CBFA2T3: variants seen among roughly 807,000 people sequenced by gnomAD.
CBFA2T3 encodes CBFA2/RUNX1 partner transcriptional co-repressor 3.
A neutral mutation model predicts 58.6 loss-of-function variants in CBFA2T3; 31 were observed. That is an observed-to-expected ratio of 0.53 (90% CI 0.40 to 0.71). The LOEUF (loss-of-function observed/expected upper bound fraction) is 0.71. Ranked by LOEUF, CBFA2T3 falls within the 30% of genes least tolerant of loss-of-function variation. CBFA2T3 has a pLI of 0.00. For missense variants in CBFA2T3, 1,076 were observed against 963.1 expected (o/e 1.12, Z -1.55); for synonymous variants, 531 against 421.9 (o/e 1.26, Z -3.17).
chr16:88,944,779 A>C (rs1971861092), intron 1 of CBFA2T3, among the ~76,000 whole-genome samples: 1 of 152,012 alleles, frequency 6.6e-6, no homozygotes, highest in Non-Finnish European at 1.5e-5. Flanking sequence ...ACCAGGTAAG[A>C]CTCGCTGTCT....
intron 1 of CBFA2T3, among the ~76,000 whole-genome samples, chr16:88,908,834 C>G (rs1185562119): frequency 2.0e-5 from 3 of 152,258 alleles, no homozygotes; most frequent in African/African-American, 7.2e-5. Context: ...GCACAGGCAA[C>G]ATAGCCACGG....
chr16:88,908,332 ACT>A (rs1004283350), intron 1 of CBFA2T3, among the ~76,000 whole-genome samples: 8 of 149,240 alleles, frequency 5.4e-5, no homozygotes, highest in Admixed American at 2.7e-4. Flanking sequence ...ACGGAGCGAG[ACT>A]CTGTTTCAAA....
chr16:88,944,373 C>T (rs1256094228), intron 1 of CBFA2T3, among the ~76,000 whole-genome samples: 1 of 151,918 alleles, frequency 6.6e-6, no homozygotes, highest in African/African-American at 2.4e-5. Context: ...AACCACCTCC[C>T]CTCCTCATGG....
intron 2 of CBFA2T3, among the ~76,000 whole-genome samples, chr16:88,900,087 C>A (rs548321276): frequency 6.6e-5 from 10 of 152,372 alleles, no homozygotes; most frequent in African/African-American, 1.9e-4. Context: ...CCAGGACCTG[C>A]ACGCTGGGCC....
At position 88,875,046 on chromosome 16, in the gene CBFA2T3, T is replaced by G. The variant is rs1968777000; in HGVS notation, c.*1930A>C. On this transcript the variant is annotated 3_prime_UTR_variant, in exon 12 of 12. Coordinates refer to ENST00000268679, the MANE Select transcript of CBFA2T3 (RefSeq NM_005187.6). ...TGCACTGAGTTCCTAGAACTCCTGA[T>G]AGCCACGCACACAGATGCCAGGCCA... The G allele has an allele frequency of 4.3e-6, 1 of 234,638 alleles. No homozygotes were observed. Among genetic ancestry groups the G allele is most frequent in the Admixed American group, 5.6e-5 (1 of 17,716 alleles). 14.5% of individuals were successfully genotyped at this position (234,638 alleles called of 1,614,324 possible). A position where few individuals can be genotyped will look rare whatever the true frequency, so the allele number is the denominator to read the frequency against.
intron 1 of CBFA2T3, among the ~76,000 whole-genome samples, chr16:88,964,440 G>A (rs1246635901): frequency 6.6e-6 from 1 of 152,214 alleles, no homozygotes; most frequent in Non-Finnish European, 1.5e-5. Flanking sequence ...TAGGGTTAGG[G>A]TGCAGAAAAC....
chr16:88,892,204 A>T, intron 4 of CBFA2T3, 40 bp downstream of exon 4: 1 of 1,587,512 alleles, frequency 6.3e-7, no homozygotes, highest in South Asian at 1.1e-5. Context: ...CGGAGGGAAT[A>T]TGCATGTCCC....
chr16:88,925,649 T>C (rs2142750361), intron 1 of CBFA2T3, among the ~76,000 whole-genome samples: 1 of 152,310 alleles, frequency 6.6e-6, no homozygotes, highest in Non-Finnish European at 1.5e-5. Flanking sequence ...TGCTTCTCCC[T>C]CCAGGGCACC....
At chr16:88,898,265 G>A in intron 2 of CBFA2T3, 113 bp from the exon 3 acceptor site, 1 of 807,026 alleles carries the variant, frequency 1.2e-6, no homozygotes, top group South Asian at 1.4e-5. Context: ...TTTTGGTGGG[G>A]GCGTGGGCAG....
intron 1 of CBFA2T3, among the ~76,000 whole-genome samples, chr16:88,942,112 A>T (rs1011033381): frequency 1.3e-5 from 2 of 152,032 alleles, no homozygotes; most frequent in Non-Finnish European, 2.9e-5. Context: ...CGTGCGTTTC[A>T]TGTCCACCTG....
chr16:88,928,716 A>C (rs1240525412), intron 1 of CBFA2T3, among the ~76,000 whole-genome samples: 1 of 152,168 alleles, frequency 6.6e-6, no homozygotes, highest in Non-Finnish European at 1.5e-5. Flanking sequence ...CACGGAGCTG[A>C]CCTCGGACGG....
intron 1 of CBFA2T3, among the ~76,000 whole-genome samples, chr16:88,912,221 C>T (rs1190490061): frequency 6.6e-6 from 1 of 152,232 alleles, no homozygotes; most frequent in Non-Finnish European, 1.5e-5. Context: ...GAGAAGAAAG[C>T]CTCCCTCATG....
chr16:88,891,056 C>T (rs1969610345), intron 5 of CBFA2T3, among the ~76,000 whole-genome samples: 1 of 152,122 alleles, frequency 6.6e-6, no homozygotes, highest in Non-Finnish European at 1.5e-5. Context: ...CGTGCTGCCA[C>T]CCTGGTCCAC....
At chr16:88,893,687 C>A (rs982483820) in intron 3 of CBFA2T3, among the ~76,000 whole-genome samples, 1 of 152,244 alleles carries the variant, frequency 6.6e-6, no homozygotes, top group African/African-American at 2.4e-5. Context: ...TGAGACGTGA[C>A]TGCCTGGCTG....
intron 1 of CBFA2T3, among the ~76,000 whole-genome samples, chr16:88,916,186 A>G (rs1432546733): frequency 1.4e-5 from 2 of 146,156 alleles, no homozygotes; most frequent in Non-Finnish European, 3.0e-5. Context: ...ATGTGTGCGC[A>G]TGGGTGTGTG....
At chr16:88,911,324 C>T (rs941312928) in intron 1 of CBFA2T3, among the ~76,000 whole-genome samples, 2 of 152,370 alleles carry the variant, frequency 1.3e-5, no homozygotes, top group South Asian at 2.1e-4. Flanking sequence ...CCTCCCGCGC[C>T]GCTGTGTGAA....
At chr16:88,905,530 G>A (rs921608879) in intron 1 of CBFA2T3, among the ~76,000 whole-genome samples, 2 of 151,740 alleles carry the variant, frequency 1.3e-5, no homozygotes, top group African/African-American at 4.9e-5. Context: ...GATGCAGCTC[G>A]CCCAGGGTAG....
At chr16:88,961,956 G>A (rs12925214) in intron 1 of CBFA2T3, among the ~76,000 whole-genome samples, 12 of 118,590 alleles carry the variant, frequency 1.0e-4, no homozygotes, top group Admixed American at 1.7e-4. Flanking sequence ...TCAGCGCTGG[G>A]CATTCCCACT....
chr16:88,967,830 C>T (rs985435359), intron 1 of CBFA2T3, among the ~76,000 whole-genome samples: 2 of 152,196 alleles, frequency 1.3e-5, no homozygotes, highest in African/African-American at 4.8e-5. Flanking sequence ...ACTCAGGACG[C>T]CCCCTGCCCC....
Sources: gnomAD v4.1 joint callset for allele counts (sites outside exome capture counted in the v4.1 genomes callset) on GRCh38, gnomAD v4.1.1 for gene constraint, MANE v1.5 for transcripts, NCBI Gene and HGNC (gene_info 2026-07-23, HGNC 2026-07-21) for gene names.